The following SH3TC1 variants were observed in gnomAD, a reference collection of about 807,000 sequenced individuals.
SH3TC1 encodes the protein SH3 domain and tetratricopeptide repeat-containing protein 1.
Under a neutral mutation model 117.3 loss-of-function variants are expected in SH3TC1, and 135 were observed. The ratio of observed to expected loss-of-function variants is 1.15; its 90% CI spans 1.00 to 1.33. The LOEUF (loss-of-function observed/expected upper bound fraction) is 1.33, where lower values mean the gene tolerates loss of function less well. Among genes scored for constraint, SH3TC1 ranks in the 40% most tolerant of loss-of-function variants. SH3TC1 has a pLI of 0.00. For missense variants in SH3TC1, 2,092 were observed against 1,794.3 expected (o/e 1.17, Z -3.00); for synonymous variants, 898 against 816.9 (o/e 1.10, Z -1.69).
At chr4:8,202,428 G>A (rs534372306) in intron 1 of SH3TC1, among the ~76,000 whole-genome samples, 38 of 152,352 alleles carry the variant, frequency 2.5e-4, no homozygotes, top group African/African-American at 8.9e-4. Flanking sequence ...CTCATGGGCT[G>A]CACCCTGCTC....
chr4:8,209,389 C>T lies in SH3TC1; in HGVS notation c.173-359C>T, dbSNP rs893359615. Among the ~76,000 whole-genome samples the T allele has an allele frequency of 7.9e-5, 12 of 152,164 alleles. No homozygotes were observed. The highest frequency in any genetic ancestry group is 1.7e-4 in the African/African-American group (7 of 41,428). On this transcript the variant is annotated intron_variant, in intron 2 of 17. Coordinates refer to ENST00000245105, the MANE Select transcript of SH3TC1 (RefSeq NM_018986.5). This position sits in a 1 kb window ranked among gnomAD's most constrained non-coding sequence, Gnocchi z 5.9. ...GCCACAAGCCGAGGGACGTGTGCGGCCTCTTGAAGGCGAGGAGTGGATTCT... is the reference window on the plus strand; with the variant it reads ...GCCACAAGCCGAGGGACGTGTGCGGTCTCTTGAAGGCGAGGAGTGGATTCT...
chr4:8,230,158 G>A (rs1721054825), intron 12 of SH3TC1, among the ~76,000 whole-genome samples: 1 of 152,214 alleles, frequency 6.6e-6, no homozygotes, highest in South Asian at 2.1e-4. Flanking sequence ...CTTTCTAGGA[G>A]TTTGGCTGTT....
At chr4:8,221,716 C>T (rs1719935640) in intron 9 of SH3TC1, among the ~76,000 whole-genome samples, 2 of 152,140 alleles carry the variant, frequency 1.3e-5, no homozygotes, top group Admixed American at 1.3e-4. Context: ...GTACAACTGT[C>T]GAAATCAGGA....
chr4:8,212,316 C>T (rs1030631043), intron 3 of SH3TC1, among the ~76,000 whole-genome samples: 12 of 152,140 alleles, frequency 7.9e-5, no homozygotes, highest in Non-Finnish European at 1.5e-4. Flanking sequence ...CCTGTGCCCG[C>T]AAGTTCCAAT....
Position 8,240,840 on chromosome 4 carries a change from T to C in SH3TC1, c.3896T>C (p.Phe1299Ser). ...NFLLDREKSL[F>S]FYQKARTFAT... ...CTCCTGGACCGTGAGAAGTCGCTCTTCTTCTACCAGAAGGCCAGGACCTTC... is the reference window on the plus strand; with the variant it reads ...CTCCTGGACCGTGAGAAGTCGCTCTCCTTCTACCAGAAGGCCAGGACCTTC... The change falls in exon 18 of 18, where the codon TTC becomes TCC. Residue 1299 changes from phenylalanine to serine, a missense_variant. Phe to Ser is a radical substitution (Grantham distance 155). Coordinates refer to ENST00000245105, the MANE Select transcript of SH3TC1 (RefSeq NM_018986.5). 6.2e-7 allele frequency: 1 copy of C among 1,614,044 alleles called. No homozygotes were observed. Among genetic ancestry groups the C allele is most frequent in the Admixed American group, 1.7e-5 (1 of 60,032 alleles).
intron 17 of SH3TC1, among the ~76,000 whole-genome samples, chr4:8,239,729 C>G (rs1243906648): frequency 6.6e-6 from 1 of 152,234 alleles, no homozygotes; most frequent in Non-Finnish European, 1.5e-5. Flanking sequence ...CAGGCTGAGT[C>G]TGGGGCCTCC....
intron 6 of SH3TC1, 71 bp from the exon 7 acceptor site, chr4:8,216,886 G>A: frequency 2.0e-6 from 3 of 1,501,914 alleles, no homozygotes; most frequent in African/African-American, 2.8e-5. Flanking sequence ...TGTCCGGCAG[G>A]GGTGTGGGGG....
chr4:8,214,516 C>G lies in SH3TC1; in HGVS notation c.417C>G (p.Asp139Glu). The G allele has an allele frequency of 6.2e-7, 1 of 1,613,974 alleles. No homozygotes were observed. The highest frequency in any genetic ancestry group is 8.5e-7 in the Non-Finnish European group (1 of 1,179,974). Residue 139 changes from aspartate to glutamate, a missense_variant, in exon 5 of 18, where the codon GAC becomes GAG. Physicochemically the swap from Asp to Glu is conservative, Grantham distance 45. Transcript: ENST00000245105. ...ARLLSIHSDQ[D>E]RIVVTFKTFE... ...TGCTGTCCATCCACAGTGACCAGGA[C>G]CGGATCGTGGTGACGTTTAAGACTT...
rs1203522787 is a variant in SH3TC1 at position 8,218,328 on chromosome 4, G to T, written c.897G>T (p.Met299Ile). Residue 299 changes from methionine (M) to isoleucine (I), a missense_variant, in exon 8 of 18, where the codon ATG becomes ATT. Met to Ile is a conservative substitution (Grantham distance 10). Coordinates refer to ENST00000245105, the MANE Select transcript of SH3TC1 (RefSeq NM_018986.5). Reference sequence around the variant, plus strand: ...ACGATGCCATGGGTGGCCCTGTGATGCCCGGCAACCCGCTGATGGGTAAGT... The same window carrying T: ...ACGATGCCATGGGTGGCCCTGTGATTCCCGGCAACCCGCTGATGGGTAAGT... ...PIDDAMGGPV[M>I]PGNPLMAVGL... 1 of 1,611,364 alleles carries T rather than the reference G, an allele frequency of 6.2e-7. No individual in the cohort carries two copies. The highest frequency in any genetic ancestry group is 8.5e-7 in the Non-Finnish European group (1 of 1,177,894).
chr4:8,208,578 C>G lies in SH3TC1; in HGVS notation c.173-1170C>G, dbSNP rs983456217. On this transcript the variant is annotated intron_variant, in intron 2 of 17. Transcript: ENST00000245105. ...AGATGGGGTTTACCATGTTGAAACT[C>G]CTAACCTCAGGTGATCCACCTGTCT... Among the ~76,000 whole-genome samples, 3 of 152,206 alleles carry G rather than the reference C, an allele frequency of 2.0e-5. No individual in the cohort carries two copies. The South Asian group carries it at 6.2e-4, about 32-fold the overall frequency.
At position 8,206,998 on chromosome 4, in the gene SH3TC1, C is replaced by A. The variant is rs1050816211; in HGVS notation, c.172+1632C>A. ...ATTGTAATTATTTCAATGTTAATTC[C>A]CTGCTTTTAATAACACCATCACCTC... On this transcript the variant is annotated intron_variant, in intron 2 of 17. Coordinates refer to ENST00000245105, the MANE Select transcript of SH3TC1 (RefSeq NM_018986.5). The surrounding 1 kb of genome is among the most constrained non-coding windows in gnomAD (Gnocchi z 5.5). Among the ~76,000 whole-genome samples the A allele has an allele frequency of 3.3e-5, 5 of 151,550 alleles. No individual in the cohort carries two copies. The highest frequency in any genetic ancestry group is 7.4e-5 in the Non-Finnish European group (5 of 67,974).
intron 12 of SH3TC1, among the ~76,000 whole-genome samples, 174 bp downstream of exon 12, chr4:8,228,818 G>A (rs1273431182): frequency 6.6e-6 from 1 of 152,268 alleles, no homozygotes; most frequent in Non-Finnish European, 1.5e-5. Context: ...CGCAGGGCCA[G>A]GCCCTCTCTG....
intron 15 of SH3TC1, chr4:8,235,859 G>A (rs779743304): frequency 1.8e-4 from 67 of 380,960 alleles, no homozygotes; most frequent in Middle Eastern, 6.8e-4. Flanking sequence ...ACAGGGACAC[G>A]TCAAAGGACA....
At position 8,223,673 on chromosome 4, in the gene SH3TC1, C is replaced by T. The variant is rs150866592; in HGVS notation, c.1243+703C>T. On this transcript the variant is annotated intron_variant, in intron 10 of 17. Transcript: ENST00000245105. ...TTTGAGACAGAGTCCTGTGCTGTTG[C>T]CCAGGCTGGAGTGCAGTGGCATGAT... is the stretch of plus-strand genomic sequence containing the variant. Among the ~76,000 whole-genome samples, 674 of 149,496 alleles carry T rather than the reference C, an allele frequency of 4.5e-3. 4 individuals carry two copies. The highest frequency in any genetic ancestry group is 0.018 in the Middle Eastern group (5 of 280).
At chr4:8,211,818 A>C (rs1718759944) in intron 3 of SH3TC1, among the ~76,000 whole-genome samples, 1 of 152,036 alleles carries the variant, frequency 6.6e-6, no homozygotes, top group African/African-American at 2.4e-5. Flanking sequence ...GTGGCCCCTG[A>C]ATGGGACACA....
At chr4:8,191,550 C>T (rs867090019) in intron 1 of SH3TC1, among the ~76,000 whole-genome samples, 4 of 152,220 alleles carry the variant, frequency 2.6e-5, no homozygotes, top group Admixed American at 6.5e-5. Flanking sequence ...ATGGTGTGAG[C>T]GCTGCTGAAT....
rs1443105041 is a variant in SH3TC1 at position 8,186,217 on chromosome 4, T to A, written c.-57+4007T>A. ...CTCCGAACCAAGACCAGCAGCAAAA[T>A]TTGCTTGTTGCACATTAAAAGTAAT... On this transcript the variant is annotated intron_variant, in intron 1 of 16. Transcript: ENST00000508641. This position sits in a 1 kb window ranked among gnomAD's most constrained non-coding sequence, Gnocchi z 5.2. Among the ~76,000 whole-genome samples the A allele has an allele frequency of 6.6e-6, 1 of 152,024 alleles. No homozygotes were observed.
chr4:8,227,537 A>C lies in SH3TC1; in HGVS notation c.1843A>C (p.Lys615Gln). Residue 615 changes from lysine to glutamine, a missense_variant, in exon 12 of 18, where the codon AAG (lysine) becomes CAG (glutamine). Physicochemically the swap from Lys to Gln is moderately conservative, Grantham distance 53 (BLOSUM62 1). Transcript: ENST00000245105. Reference protein sequence around the residue: ...ANLASIYRKQKNREKCAQVVP... With the variant: ...ANLASIYRKQQNREKCAQVVP... ...CCTGGCCAGCATTTACCGGAAGCAG[A>C]AGAACCGGGAGAAGTGTGCACAGGT... 6.5e-7 allele frequency: 1 copy of C among 1,531,944 alleles called. No homozygotes were observed. The highest frequency in any genetic ancestry group is 8.7e-7 in the Non-Finnish European group (1 of 1,144,126). The allele number at this position is 1,531,944 out of a possible 1,614,324, so 94.9% of individuals were successfully genotyped here. A position where few individuals can be genotyped will look rare whatever the true frequency, so the allele number is the denominator to read the frequency against.
rs1006961157 is a variant in SH3TC1, at chr4:8,186,349, C to A, written c.-57+4139C>A. On this transcript the variant is annotated intron_variant, in intron 1 of 16. Transcript: ENST00000508641. This position sits in a 1 kb window ranked among gnomAD's most constrained non-coding sequence, Gnocchi z 5.2. ...CAGGAAAACAGGGACATCTGAAAAA[C>A]CTTCCCGGCCAAAAGGCACCCCAAA... 7.9e-5 allele frequency among the ~76,000 whole-genome samples: 12 copies of A among 152,222 alleles called. No individual in the cohort carries two copies. The highest frequency in any genetic ancestry group is 2.6e-4 in the Admixed American group (4 of 15,286).
Sources: gnomAD v4.1 joint callset for allele counts (sites outside exome capture counted in the v4.1 genomes callset) on GRCh38, gnomAD v4.1.1 for gene constraint, Gnocchi (gnomAD v3.1) non-coding constraint, MANE v1.5 for transcripts, NCBI Gene and HGNC (gene_info 2026-07-23, HGNC 2026-07-21) for gene names.